PRKCE: variants seen among roughly 807,000 people sequenced by gnomAD.
PRKCE encodes the protein protein kinase C epsilon.
Under a neutral mutation model 85.4 loss-of-function variants are expected in PRKCE, and 16 were observed. That is an observed-to-expected ratio of 0.19 (90% CI 0.13 to 0.28). The LOEUF is 0.28. PRKCE is among the 10% of genes least tolerant of loss of function. The pLI is 1.00. For missense variants in PRKCE, 573 were observed against 975.2 expected (o/e 0.59, Z 5.49); for synonymous variants, 388 against 371.5 (o/e 1.04, Z -0.51).
intron 2 of PRKCE, among the ~76,000 whole-genome samples, chr2:45,967,627 T>G (rs1701821195): frequency 6.6e-6 from 1 of 152,186 alleles, no homozygotes; most frequent in African/African-American, 2.4e-5. Context: ...ATGTAGTAGT[T>G]TAGAAAATCA....
chr2:45,892,501 T>C (rs1573773980), intron 2 of PRKCE, among the ~76,000 whole-genome samples: 1 of 152,116 alleles, frequency 6.6e-6, no homozygotes, highest in East Asian at 1.9e-4. Context: ...ACTTGAGGAC[T>C]CAGGCAAGCT....
intron 1 of PRKCE, among the ~76,000 whole-genome samples, chr2:45,664,133 C>G (rs1675806583): frequency 6.6e-6 from 1 of 152,142 alleles, no homozygotes; most frequent in Admixed American, 6.5e-5. Flanking sequence ...TGCTGCATTT[C>G]CAATTAATTT....
At chr2:45,923,731 C>T (rs1214390572) in intron 2 of PRKCE, among the ~76,000 whole-genome samples, 1 of 152,112 alleles carries the variant, frequency 6.6e-6, no homozygotes, top group Non-Finnish European at 1.5e-5. Flanking sequence ...AACCATCCCT[C>T]AAGTTCAGGG....
Position 45,918,035 on chromosome 2 carries a change from C to G in PRKCE, c.413-58394C>G, listed in dbSNP as rs541225112. ...GGCCCGCTAGCGCCGCGCGCAGCCCCGGTTCCCGCTGGCGCCTCTCCCTCC... is the reference window on the plus strand; with the variant it reads ...GGCCCGCTAGCGCCGCGCGCAGCCCGGGTTCCCGCTGGCGCCTCTCCCTCC... On this transcript the variant is annotated intron_variant, in intron 2 of 14. Coordinates refer to ENST00000306156, the MANE Select transcript of PRKCE (RefSeq NM_005400.3). Among the ~76,000 whole-genome samples the G allele has an allele frequency of 9.1e-3, 1,390 of 152,362 alleles. 29 individuals are homozygous for G. The highest frequency in any genetic ancestry group is 0.032 in the African/African-American group (1,335 of 41,586).
intron 10 of PRKCE, among the ~76,000 whole-genome samples, chr2:46,072,878 T>C (rs770556510): frequency 2.0e-5 from 3 of 152,170 alleles, no homozygotes; most frequent in African/African-American, 4.8e-5. Context: ...ACACATGAAA[T>C]TATCAGAGAA....
intron 1 of PRKCE, among the ~76,000 whole-genome samples, chr2:45,713,105 C>G (rs771629681): frequency 3.9e-5 from 6 of 152,312 alleles, no homozygotes; most frequent in Non-Finnish European, 7.3e-5. Flanking sequence ...GCTTATCTCC[C>G]TGGGCCTCAG....
chr2:46,107,599 G>A (rs1056807127), intron 11 of PRKCE, among the ~76,000 whole-genome samples: 5 of 152,190 alleles, frequency 3.3e-5, no homozygotes, highest in Non-Finnish European at 7.3e-5. Flanking sequence ...TGGATTATAT[G>A]GAAGACTGTG....
At chr2:46,116,874 A>G (rs79902820) in intron 11 of PRKCE, among the ~76,000 whole-genome samples, 2 of 151,936 alleles carry the variant, frequency 1.3e-5, no homozygotes, top group Non-Finnish European at 2.9e-5. Context: ...CTGGGAGGGG[A>G]AAAAAAACCG....
At chr2:45,943,065 G>A (rs1012375626) in intron 2 of PRKCE, among the ~76,000 whole-genome samples, 19 of 152,012 alleles carry the variant, frequency 1.2e-4, no homozygotes, top group Non-Finnish European at 2.1e-4. Context: ...ATGGCATTTT[G>A]TAAATTGATG....
intron 1 of PRKCE, among the ~76,000 whole-genome samples, chr2:45,766,029 GA>G (rs1415230369): frequency 6.6e-6 from 1 of 152,184 alleles, no homozygotes; most frequent in Non-Finnish European, 1.5e-5. Flanking sequence ...CCAGGCAAAA[GA>G]AAAGTTAAAA....
intron 10 of PRKCE, among the ~76,000 whole-genome samples, chr2:46,061,410 C>G (rs1667108340): frequency 6.9e-6 from 1 of 145,120 alleles, no homozygotes; most frequent in Non-Finnish European, 1.5e-5. Flanking sequence ...GGTGCCTGGC[C>G]TTTAACAATT....
intron 1 of PRKCE, among the ~76,000 whole-genome samples, chr2:45,653,394 T>C (rs893930672): frequency 5.6e-5 from 8 of 141,904 alleles, no homozygotes; most frequent in African/African-American, 1.9e-4. Context: ...TTTTTTTTTT[T>C]TCTCTCTTCT....
At chr2:45,781,449 C>A (rs549156195) in intron 1 of PRKCE, among the ~76,000 whole-genome samples, 9 of 152,216 alleles carry the variant, frequency 5.9e-5, no homozygotes, top group Non-Finnish European at 1.3e-4. Context: ...TCTTCAGTAT[C>A]TTTGATTAGT....
intron 1 of PRKCE, among the ~76,000 whole-genome samples, chr2:45,684,509 C>A (rs1677142212): frequency 6.6e-6 from 1 of 152,192 alleles, no homozygotes; most frequent in African/African-American, 2.4e-5. Context: ...TAGCACTTAC[C>A]CTCACTACAT....
At chr2:45,810,637 A>G (rs965036658) in intron 1 of PRKCE, among the ~76,000 whole-genome samples, 2 of 152,082 alleles carry the variant, frequency 1.3e-5, no homozygotes, top group African/African-American at 2.4e-5. Flanking sequence ...AGGCTGGAGT[A>G]CAGTGGCAGA....
intron 1 of PRKCE, among the ~76,000 whole-genome samples, chr2:45,690,540 GA>G (rs1345174754): frequency 1.3e-5 from 2 of 152,214 alleles, no homozygotes; most frequent in African/African-American, 4.8e-5. Flanking sequence ...CTGGGTCACT[GA>G]TAAAAGATTA....
intron 12 of PRKCE, 89 bp from the exon 13 acceptor site, chr2:46,150,952 T>G: frequency 8.1e-7 from 1 of 1,233,430 alleles, no homozygotes; most frequent in Non-Finnish European, 1.1e-6. Context: ...CAAGTTGGAA[T>G]TGAAGTCCTT....
At chr2:46,093,882 A>C (rs1340248310) in intron 11 of PRKCE, among the ~76,000 whole-genome samples, 3 of 152,178 alleles carry the variant, frequency 2.0e-5, no homozygotes, top group Admixed American at 2.0e-4. Context: ...AATATATAGT[A>C]TACATTATTA....
intron 2 of PRKCE, among the ~76,000 whole-genome samples, chr2:45,897,783 T>G (rs1385851190): frequency 6.6e-6 from 1 of 152,204 alleles, no homozygotes; most frequent in African/African-American, 2.4e-5. Context: ...AGGAAATGTT[T>G]TCTTAGCCAC....
Sources: allele counts gnomAD v4.1 joint callset (sites outside exome capture counted in the v4.1 genomes callset), GRCh38; gene constraint gnomAD v4.1.1; transcripts MANE v1.5; gene names NCBI Gene and HGNC (gene_info 2026-07-23, HGNC 2026-07-21).